VWA5B1: variants seen among roughly 807,000 people sequenced by gnomAD.
VWA5B1 encodes von Willebrand factor A domain containing 5B1.
A neutral mutation model predicts 118.2 loss-of-function variants in VWA5B1; 115 were observed. The observed-to-expected ratio is 0.97, with a 90% CI of 0.84 to 1.14. VWA5B1 has a LOEUF of 1.14. VWA5B1 is among the 50% of genes most tolerant of loss of function. The pLI is 0.00. For missense variants in VWA5B1, 1,596 were observed against 1,603.8 expected, an observed-to-expected ratio of 1.00 and a Z score of 0.08; for synonymous variants, 682 against 658.4, an observed-to-expected ratio of 1.04 and a Z score of -0.55.
chr1:20,328,146 A>T, intron 9 of VWA5B1, 146 bp downstream of exon 9: 1 of 688,832 alleles, frequency 1.5e-6, no homozygotes, highest in Non-Finnish European at 2.5e-6. Context: ...ACCCGGGGGC[A>T]GAGAACTGAA....
chr1:20,317,960 T>C (rs1035890787), intron 5 of VWA5B1, among the ~76,000 whole-genome samples: 5 of 151,322 alleles, frequency 3.3e-5, no homozygotes, highest in Admixed American at 2.6e-4. Context: ...AGGCCACAGC[T>C]GTAAAGCTGC....
chr1:20,324,802 A>G (rs1470002821), intron 8 of VWA5B1, among the ~76,000 whole-genome samples: 1 of 152,164 alleles, frequency 6.6e-6, no homozygotes, highest in Non-Finnish European at 1.5e-5. Context: ...GGAATCATAC[A>G]CAGGACCCAA....
chr1:20,324,242 G>C (rs1484645666), intron 8 of VWA5B1, among the ~76,000 whole-genome samples: 1 of 152,218 alleles, frequency 6.6e-6, no homozygotes, highest in African/African-American at 2.4e-5. Context: ...TCAAGAGAGA[G>C]GCACAGGCCT....
intron 1 of VWA5B1, among the ~76,000 whole-genome samples, chr1:20,294,806 C>T (rs2088374185): frequency 1.3e-5 from 2 of 152,348 alleles, no homozygotes; most frequent in East Asian, 1.9e-4. Flanking sequence ...TCTGGCTGGT[C>T]TCAAACTCCC....
intron 12 of VWA5B1, among the ~76,000 whole-genome samples, chr1:20,333,253 C>G (rs1235474750): frequency 6.6e-6 from 1 of 152,210 alleles, no homozygotes; most frequent in Non-Finnish European, 1.5e-5. Context: ...GCAGGAAGAT[C>G]ACTTGAGATC....
chr1:20,355,138 T>C lies in VWA5B1; in HGVS notation c.*875T>C, dbSNP rs1394983818. On this transcript the variant is annotated 3_prime_UTR_variant, in exon 22 of 22. Coordinates refer to ENST00000289815, the MANE Select transcript of VWA5B1 (RefSeq NM_001039500.3). Reference sequence around the variant, plus strand: ...TAGGAATTGGGTAAAGCGAACTGCATCACTTGTACTGAGGCACGAGGGAGC... The same window carrying C: ...TAGGAATTGGGTAAAGCGAACTGCACCACTTGTACTGAGGCACGAGGGAGC... Among the ~76,000 whole-genome samples the C allele has an allele frequency of 6.6e-6, 1 of 152,208 alleles. No homozygotes were observed. Among genetic ancestry groups the C allele is most frequent in the Non-Finnish European group, 1.5e-5 (1 of 68,046 alleles).
At chr1:20,350,988 G>A in intron 20 of VWA5B1, 62 bp downstream of exon 20, 1 of 1,511,726 alleles carries the variant, frequency 6.6e-7, no homozygotes, top group Non-Finnish European at 9.0e-7. Flanking sequence ...GGTGGTCCCT[G>A]GGGTTTTCCC....
At chr1:20,353,407 A>G (rs2090168064) in intron 21 of VWA5B1, among the ~76,000 whole-genome samples, 1 of 152,106 alleles carries the variant, frequency 6.6e-6, no homozygotes, top group Non-Finnish European at 1.5e-5. Flanking sequence ...AGAGCGATTT[A>G]GAAAGTAGAC....
At position 20,355,726 on chromosome 1, in the gene VWA5B1, A is replaced by G. The variant is rs75612928; in HGVS notation, c.*1463A>G. 3.3e-5 allele frequency among the ~76,000 whole-genome samples: 5 copies of G among 152,338 alleles called. No individual in the cohort carries two copies. The East Asian group carries it at 9.7e-4, about 29-fold the overall frequency. Reference sequence around the variant, plus strand: ...CCTCCAGCAGGGGCTGGAGTCAGGGAGGAGGCTCCAGCAGAACGCCCACTG... The same window carrying G: ...CCTCCAGCAGGGGCTGGAGTCAGGGGGGAGGCTCCAGCAGAACGCCCACTG... On this transcript the variant is annotated 3_prime_UTR_variant, in exon 22 of 22. Coordinates refer to ENST00000289815, the MANE Select transcript of VWA5B1 (RefSeq NM_001039500.3).
rs1250225082 is a variant in VWA5B1, at chr1:20,348,314, G to A, written c.2834G>A (p.Gly945Glu). ...QQWRGTSSGFGRPQTMLGEDS... is the reference protein window; with the variant it reads ...QQWRGTSSGFERPQTMLGEDS... ...TGGAGGGGCACCTCTTCTGGCTTTGGAAGGCCGCAGACGATGCTTGGAGAA... is the reference window on the plus strand; with the variant it reads ...TGGAGGGGCACCTCTTCTGGCTTTGAAAGGCCGCAGACGATGCTTGGAGAA... Residue 945 changes from glycine (G) to glutamate (E), a missense_variant, in exon 18 of 22, where the codon GGA (glycine) becomes GAA (glutamate). Physicochemically the swap from Gly to Glu is moderately conservative, Grantham distance 98. Transcript: ENST00000289815. The A allele has an allele frequency of 3.2e-6, 5 of 1,551,630 alleles. No individual in the cohort carries two copies. The highest frequency in any genetic ancestry group is 4.4e-6 in the Non-Finnish European group (5 of 1,146,998).
chr1:20,345,991 T>C (rs1468354932), intron 17 of VWA5B1, among the ~76,000 whole-genome samples: 2 of 152,226 alleles, frequency 1.3e-5, no homozygotes, highest in African/African-American at 4.8e-5. Flanking sequence ...TCCAGACTTC[T>C]CTCTATGGAT....
intron 1 of VWA5B1, among the ~76,000 whole-genome samples, chr1:20,303,835 C>T (rs2088567640): frequency 6.6e-6 from 1 of 152,214 alleles, no homozygotes; most frequent in Admixed American, 6.5e-5. Context: ...ATGGCTGAAG[C>T]CAGCAGGGCC....
chr1:20,335,500 T>C (rs2142627), intron 12 of VWA5B1, among the ~76,000 whole-genome samples: 78,906 of 151,848 alleles, frequency 0.52, 21,413 homozygotes, highest in East Asian at 0.91. Context: ...TTAGGGATAC[T>C]GACCCCCTAT....
Position 20,318,683 on chromosome 1 carries a change from C to G in VWA5B1, c.803C>G (p.Thr268Ser). 1.3e-6 allele frequency: 2 copies of G among 1,540,516 alleles called. No homozygotes were observed. Among genetic ancestry groups the G allele is most frequent in the Non-Finnish European group, 1.8e-6 (2 of 1,140,130 alleles). Residue 268 changes from threonine to serine, a missense_variant, in exon 6 of 22, where the codon ACC becomes AGC. By Grantham distance (58) the Thr-to-Ser change is moderately conservative. Coordinates refer to ENST00000289815, the MANE Select transcript of VWA5B1 (RefSeq NM_001039500.3). ...SIIITLANKHTFDRPVEILIH... is the reference protein window; with the variant it reads ...SIIITLANKHSFDRPVEILIH... Reference sequence around the variant, plus strand: ...ATCATCACCTTGGCCAACAAGCACACCTTTGACCGGCCTGTGGAGATCCTC... The same window carrying G: ...ATCATCACCTTGGCCAACAAGCACAGCTTTGACCGGCCTGTGGAGATCCTC...
At chr1:20,323,557 G>A (rs760281659) in intron 8 of VWA5B1, 25 bp downstream of exon 8, 8 of 1,367,758 alleles carry the variant, frequency 5.8e-6, no homozygotes, top group Middle Eastern at 3.8e-4. Context: ...AACCCCTCCC[G>A]AGGACCCGGG....
At chr1:20,291,652 G>C (rs1293963262) in intron 1 of VWA5B1, among the ~76,000 whole-genome samples, 1 of 151,994 alleles carries the variant, frequency 6.6e-6, no homozygotes, top group Non-Finnish European at 1.5e-5. Context: ...AGCTCTGCAG[G>C]GTGCCCACCC....
chr1:20,345,998 G>T (rs944054142), intron 17 of VWA5B1, among the ~76,000 whole-genome samples: 1 of 152,102 alleles, frequency 6.6e-6, no homozygotes, highest in Non-Finnish European at 1.5e-5. Context: ...TTCTCTCTAT[G>T]GATATCAGCA....
chr1:20,355,744 G>A lies in VWA5B1; in HGVS notation c.*1481G>A, dbSNP rs756068960. Among the ~76,000 whole-genome samples, 2 of 152,230 alleles carry A rather than the reference G, an allele frequency of 1.3e-5. No homozygotes were observed. The highest frequency in any genetic ancestry group is 2.1e-4 in the South Asian group (1 of 4,832). On this transcript the variant is annotated 3_prime_UTR_variant, in exon 22 of 22. Transcript: ENST00000289815. ...GTCAGGGAGGAGGCTCCAGCAGAAC[G>A]CCCACTGGGCACAAGGGGAGAAAAA...
rs150812763 is a variant in VWA5B1, at chr1:20,295,794, C to G, written c.-27+4706C>G. Reference sequence around the variant, plus strand: ...CTACCTGGTTCGCCGTAGTGTCCCCCCTTCCTTATTCAGGCCCCATGGAGG... The same window carrying G: ...CTACCTGGTTCGCCGTAGTGTCCCCGCTTCCTTATTCAGGCCCCATGGAGG... On this transcript the variant is annotated intron_variant, in intron 1 of 21. Coordinates refer to ENST00000289815, the MANE Select transcript of VWA5B1 (RefSeq NM_001039500.3). Among the ~76,000 whole-genome samples the G allele has an allele frequency of 6.5e-3, 983 of 152,254 alleles. 11 individuals are homozygous for G. Among genetic ancestry groups the G allele is most frequent in the Non-Finnish European group, 7.6e-3 (518 of 68,028 alleles).
Sources: gnomAD v4.1 joint callset for allele counts (sites outside exome capture counted in the v4.1 genomes callset) on GRCh38, gnomAD v4.1.1 for gene constraint, MANE v1.5 for transcripts, NCBI Gene and HGNC (gene_info 2026-07-23, HGNC 2026-07-21) for gene names.